CA10: variants seen among roughly 807,000 people sequenced by gnomAD.
The protein encoded by CA10 is carbonic anhydrase-related protein 10.
Under a neutral mutation model 44.2 loss-of-function variants are expected in CA10, and 14 were observed. The observed-to-expected ratio is 0.32, with a 90% CI of 0.21 to 0.50. The LOEUF (loss-of-function observed/expected upper bound fraction) is 0.50, where lower values mean the gene tolerates loss of function less well. CA10 is among the 20% of genes least tolerant of loss of function. The pLI, the probability that CA10 is intolerant of heterozygous loss-of-function variation, is 0.99. For missense variants in CA10, 350 were observed against 409.7 expected (o/e 0.85, Z 1.26); for synonymous variants, 159 against 141.6 (o/e 1.12, Z -0.87).
At chr17:52,002,781 A>C (rs1020484900) in intron 2 of CA10, among the ~76,000 whole-genome samples, 15 of 151,924 alleles carry the variant, frequency 9.9e-5, no homozygotes, top group Non-Finnish European at 2.2e-4. Flanking sequence ...ACATTCCCTC[A>C]TATAAGCATC....
intron 2 of CA10, among the ~76,000 whole-genome samples, chr17:52,013,555 A>T (rs4794317): frequency 0.38 from 57,154 of 151,764 alleles, 12,769 homozygotes; most frequent in East Asian, 0.73. Flanking sequence ...ACACACAGAA[A>T]CATATAGAAA....
At chr17:51,714,904 A>G (rs1171457438) in intron 4 of CA10, among the ~76,000 whole-genome samples, 1 of 152,226 alleles carries the variant, frequency 6.6e-6, no homozygotes, top group Non-Finnish European at 1.5e-5. Flanking sequence ...AAAAAATAGC[A>G]GAGCCTGGTA....
chr17:51,940,761 T>G (rs1598129598), intron 2 of CA10, among the ~76,000 whole-genome samples: 2 of 152,092 alleles, frequency 1.3e-5, no homozygotes, highest in East Asian at 3.9e-4. Flanking sequence ...CCTTGTGTTC[T>G]TATAACTCCT....
chr17:51,951,593 T>A (rs1269661552), intron 2 of CA10, among the ~76,000 whole-genome samples: 3 of 152,160 alleles, frequency 2.0e-5, no homozygotes, highest in African/African-American at 7.2e-5. Flanking sequence ...CACATACAAA[T>A]ACCTTTTTGT....
At chr17:51,814,833 C>A (rs918563237) in intron 3 of CA10, among the ~76,000 whole-genome samples, 1 of 152,158 alleles carries the variant, frequency 6.6e-6, no homozygotes, top group African/African-American at 2.4e-5. Flanking sequence ...CACTCCAACC[C>A]CCATTAAATT....
chr17:52,103,694 A>T (rs1204944053), intron 1 of CA10, among the ~76,000 whole-genome samples: 1 of 152,198 alleles, frequency 6.6e-6, no homozygotes, highest in Non-Finnish European at 1.5e-5. Context: ...CAAAGCTGGG[A>T]ACTACTGTTG....
At chr17:51,778,939 T>G (rs567571774) in intron 3 of CA10, among the ~76,000 whole-genome samples, 6 of 152,124 alleles carry the variant, frequency 3.9e-5, no homozygotes, top group Admixed American at 6.5e-5. Context: ...AACTCAGGCT[T>G]CTACCTCCTG....
chr17:52,026,746 TG>T (rs1986313864), intron 2 of CA10, among the ~76,000 whole-genome samples: 1 of 152,074 alleles, frequency 6.6e-6, no homozygotes, highest in African/African-American at 2.4e-5. Flanking sequence ...AACAGCAGCA[TG>T]GGGGTAACGA....
chr17:51,843,354 C>T lies in CA10; in HGVS notation c.279+87636G>A, dbSNP rs976039333. The stretch of plus-strand genomic sequence containing the variant: ...CTAATTACACAGCCTTTGAATAAAC[C>T]GTGACATTTATAAGAAAAGACATCC... On this transcript the variant is annotated intron_variant, in intron 3 of 8. Transcript: ENST00000451037. Among the ~76,000 whole-genome samples, 8 of 152,184 alleles carry T rather than the reference C, an allele frequency of 5.3e-5. 1 individual carries two copies. The highest frequency in any genetic ancestry group is 1.2e-4 in the African/African-American group (5 of 41,432).
rs1171520052 is a variant in CA10 at position 52,077,221 on chromosome 17, T to G, written c.62-4828A>C. On this transcript the variant is annotated intron_variant, in intron 1 of 8. Transcript: ENST00000451037. ...TAATTCTACTTCTGAATGAATGGGATAGCTGAAGAAGTCATCGTTGGGGAT... is the reference window on the plus strand; with the variant it reads ...TAATTCTACTTCTGAATGAATGGGAGAGCTGAAGAAGTCATCGTTGGGGAT... Among the ~76,000 whole-genome samples, 3 of 152,208 alleles carry G rather than the reference T, an allele frequency of 2.0e-5. No homozygotes were observed. The East Asian group carries it at 5.8e-4, about 29-fold the overall frequency.
chr17:51,959,797 G>GGATAAA (rs558145441), intron 2 of CA10, among the ~76,000 whole-genome samples: 1 of 112,376 alleles, frequency 8.9e-6, no homozygotes, highest in Non-Finnish European at 1.8e-5. Flanking sequence ...CTGCTAAGAT[G>GGATAAA]AAAAAAAAAA....
At chr17:51,866,921 A>C (rs1979573321) in intron 3 of CA10, among the ~76,000 whole-genome samples, 1 of 152,186 alleles carries the variant, frequency 6.6e-6, no homozygotes, top group African/African-American at 2.4e-5. Context: ...TGGTAAGAAC[A>C]GTTTCTCAGA....
chr17:51,642,550 C>T (rs1045498168), intron 6 of CA10, among the ~76,000 whole-genome samples: 13 of 152,174 alleles, frequency 8.5e-5, no homozygotes, highest in African/African-American at 3.1e-4. Flanking sequence ...CGTGTCAAAG[C>T]GCTGAATCTG....
At chr17:52,002,970 C>A (rs1598161169) in intron 2 of CA10, among the ~76,000 whole-genome samples, 1 of 152,074 alleles carries the variant, frequency 6.6e-6, no homozygotes, top group Non-Finnish European at 1.5e-5. Flanking sequence ...ACAATCCTTC[C>A]TTCTCTATGT....
At chr17:51,686,091 G>GGA (rs1555584429) in intron 4 of CA10, among the ~76,000 whole-genome samples, 1 of 151,826 alleles carries the variant, frequency 6.6e-6, no homozygotes, top group African/African-American at 2.4e-5. Context: ...GGGTCGGGGG[G>GGA]GGCGTCTGTT....
chr17:52,033,127 G>T (rs935093940), intron 2 of CA10, among the ~76,000 whole-genome samples: 1 of 152,170 alleles, frequency 6.6e-6, no homozygotes, highest in African/African-American at 2.4e-5. Flanking sequence ...AGGAAAAATA[G>T]ATGTTGTTAA....
At chr17:51,821,803 C>G (rs1282767180) in intron 3 of CA10, among the ~76,000 whole-genome samples, 5 of 152,174 alleles carry the variant, frequency 3.3e-5, no homozygotes, top group African/African-American at 1.2e-4. Flanking sequence ...GGCAGAAAAG[C>G]ACAGAGCTTA....
At chr17:52,121,010 A>G (rs915529997) in intron 1 of CA10, among the ~76,000 whole-genome samples, 1 of 152,202 alleles carries the variant, frequency 6.6e-6, no homozygotes, top group Non-Finnish European at 1.5e-5. Context: ...TGCTCAAATG[A>G]TGACTACATA....
chr17:51,818,271 ATCTT>A (rs1168031422), intron 3 of CA10, among the ~76,000 whole-genome samples: 2 of 152,214 alleles, frequency 1.3e-5, no homozygotes, highest in East Asian at 3.9e-4. Flanking sequence ...AGCTGAGTAA[ATCTT>A]TCTTTTTTAA....
Sources: gnomAD v4.1 joint callset for allele counts (sites outside exome capture counted in the v4.1 genomes callset) on GRCh38, gnomAD v4.1.1 for gene constraint, MANE v1.5 for transcripts, NCBI Gene and HGNC (gene_info 2026-07-23, HGNC 2026-07-21) for gene names.